Variants in PCDHGB1 observed in about 807,000 individuals in gnomAD.
PCDHGB1 encodes protocadherin gamma-B1.
A neutral mutation model predicts 56.6 loss-of-function variants in PCDHGB1; 34 were observed. That is an observed-to-expected ratio of 0.60 (90% CI 0.46 to 0.80). The LOEUF is 0.80. Ranked by LOEUF, PCDHGB1 falls within the 30% of genes least tolerant of loss-of-function variation. The probability of loss-of-function intolerance (pLI) is 0.00; values close to 1 mark genes in which losing one functional copy is unlikely to be tolerated. For missense variants in PCDHGB1, 1,278 were observed against 1,204.6 expected (o/e 1.06, Z -0.90); for synonymous variants, 561 against 505.9 (o/e 1.11, Z -1.46).
rs748591129 is a variant in PCDHGB1 at position 141,388,776 on chromosome 5, G to A, written c.2409+36107G>A. ...ATTTGACCTGAACTCTAACACCGGG[G>A]AAATTACTGTTTTAAATACATTAGA... On this transcript the variant is annotated intron_variant, in intron 1 of 3. Transcript: ENST00000523390. 8.7e-6 allele frequency: 14 copies of A among 1,613,806 alleles called. 1 individual carries two copies. In the South Asian group the frequency reaches 1.1e-4, roughly 13 times the overall value.
intron 1 of PCDHGB1, chr5:141,422,646 C>T (rs748692494): frequency 5.0e-6 from 8 of 1,611,836 alleles, no homozygotes; most frequent in Non-Finnish European, 6.8e-6. Flanking sequence ...CCTCCATCTT[C>T]TCAGTGACCG....
rs566032831 is a variant in PCDHGB1 at position 141,351,647 on chromosome 5, C to A, written c.1387C>A (p.Pro463Thr). Reference protein sequence around the residue: ...YVVHVSENNPPGASIAQVSAS... With the variant: ...YVVHVSENNPTGASIAQVSAS... Reference sequence around the variant, plus strand: ...GGTCCACGTGTCTGAGAACAACCCACCTGGCGCCTCCATTGCACAAGTAAG... The same window carrying A: ...GGTCCACGTGTCTGAGAACAACCCAACTGGCGCCTCCATTGCACAAGTAAG... The change falls in exon 1 of 4, where the codon CCT becomes ACT. Residue 463 changes from proline to threonine, a missense_variant. Coordinates refer to ENST00000523390, the MANE Select transcript of PCDHGB1 (RefSeq NM_018922.3). The A allele has an allele frequency of 1.2e-6, 2 of 1,614,058 alleles. No homozygotes were observed. The highest frequency in any genetic ancestry group is 1.7e-6 in the Non-Finnish European group (2 of 1,179,906).
chr5:141,432,722 T>G lies in PCDHGB1; in HGVS notation c.2410-62085T>G, dbSNP rs2097531915. 6.2e-7 allele frequency: 1 copy of G among 1,613,646 alleles called. No homozygotes were observed. Among genetic ancestry groups the G allele is most frequent in the African/African-American group, 1.3e-5 (1 of 74,900 alleles). ...CCAGGACCACGGCCAGCCCCCTCTC[T>G]CCGCCACTGTCACGCTCACCGTGGC... On this transcript the variant is annotated intron_variant, in intron 1 of 3. Coordinates refer to ENST00000523390, the MANE Select transcript of PCDHGB1 (RefSeq NM_018922.3). The surrounding 1 kb of genome is among the most constrained non-coding windows in gnomAD (Gnocchi z 6.0).
intron 1 of PCDHGB1, among the ~76,000 whole-genome samples, chr5:141,449,549 A>G (rs1431239786): frequency 6.8e-6 from 1 of 147,830 alleles, no homozygotes; most frequent in East Asian, 2.0e-4. Context: ...AGATCGCACC[A>G]CTGCACTCCA....
intron 1 of PCDHGB1, chr5:141,361,614 G>T (rs919763957): frequency 6.2e-7 from 1 of 1,613,946 alleles, no homozygotes. Flanking sequence ...CCATCGTAGC[G>T]AGCGACCTGA....
At chr5:141,357,032 C>G in intron 1 of PCDHGB1, 7 of 1,614,066 alleles carry the variant, frequency 4.3e-6, no homozygotes, top group Non-Finnish European at 5.9e-6. Context: ...CTACTCAAGT[C>G]CAGCGAGCCG....
In PCDHGB1 at chr5:141,431,184, T is replaced by G. The variant is rs754537015; in HGVS notation, c.2410-63623T>G. The G allele has an allele frequency of 5.6e-6, 9 of 1,614,090 alleles. No homozygotes were observed. Among genetic ancestry groups the G allele is most frequent in the Non-Finnish European group, 6.8e-6 (8 of 1,180,050 alleles). ...CGTGAAAGTGAATTAGAAATAAAAA[T>G]TAGTGAAAATGCAGCCACTGAGATG... On this transcript the variant is annotated intron_variant, in intron 1 of 3. Transcript: ENST00000523390. The surrounding 1 kb of genome is among the most constrained non-coding windows in gnomAD (Gnocchi z 4.8).
chr5:141,502,868 T>TTTTTTTTTC (rs1298099288), intron 2 of PCDHGB1, among the ~76,000 whole-genome samples: 1 of 147,026 alleles, frequency 6.8e-6, no homozygotes, highest in Non-Finnish European at 1.5e-5. Flanking sequence ...CTCTCTGTCT[T>TTTTTTTTTC]TTTTTTTTTT....
intron 1 of PCDHGB1, chr5:141,408,445 C>T (rs759314379): frequency 2.5e-6 from 4 of 1,613,846 alleles, no homozygotes; most frequent in Admixed American, 1.7e-5. Flanking sequence ...ACGCGGAGAG[C>T]GGGGACTTAC....
In PCDHGB1 at chr5:141,360,693, A is replaced by G. The variant is rs951041324; in HGVS notation, c.2409+8024A>G. 4 of 1,613,908 alleles carry G rather than the reference A, an allele frequency of 2.5e-6. No individual in the cohort carries two copies. In the African/African-American group the frequency reaches 5.3e-5, roughly 22 times the overall value. ...TTGATCTCGCTGAGAAACAGACTCC[A>G]GATGGTCGTAAATATCCTGAGTTGA... On this transcript the variant is annotated intron_variant, in intron 1 of 3. Transcript: ENST00000523390.
intron 1 of PCDHGB1, chr5:141,372,520 T>G (rs371229591): frequency 3.7e-6 from 6 of 1,613,950 alleles, no homozygotes; most frequent in Non-Finnish European, 5.1e-6. Flanking sequence ...GCGGTGATTC[T>G]GGCAATCTCC....
chr5:141,415,740 G>GTTTTTTTTTTTTTTTTTTTTT (rs57426385), intron 1 of PCDHGB1: 5 of 625,024 alleles, frequency 8.0e-6, no homozygotes, highest in Non-Finnish European at 8.5e-6. Flanking sequence ...GTTTATTAAG[G>GTTTTTTTTTTTTTTTTTTTTT]TTTTTTTTTT....
At position 141,461,300 on chromosome 5, in the gene PCDHGB1, A is replaced by G. The variant is rs889981233; in HGVS notation, c.2410-33507A>G. Among the ~76,000 whole-genome samples, 10 of 152,106 alleles carry G rather than the reference A, an allele frequency of 6.6e-5. No individual in the cohort carries two copies. In the East Asian group the frequency reaches 1.4e-3, roughly 21 times the overall value. On this transcript the variant is annotated intron_variant, in intron 1 of 3. Transcript: ENST00000523390. The stretch of plus-strand genomic sequence containing the variant: ...TTTCCCCACATCCACACCAACATCT[A>G]TTGTTTTTTGACTTTTTAATAATGG...
chr5:141,370,896 C>T, intron 1 of PCDHGB1: 1 of 1,614,040 alleles, frequency 6.2e-7, no homozygotes, highest in Non-Finnish European at 8.5e-7. Context: ...CAATTCGCTG[C>T]AGCAGTACTA....
At chr5:141,409,988 G>GC (rs1561724887) in intron 1 of PCDHGB1, 1 of 1,613,278 alleles carries the variant, frequency 6.2e-7, no homozygotes, top group Non-Finnish European at 8.5e-7. Flanking sequence ...AGCGGTGGAC[G>GC]CCGACTCGGG....
At position 141,419,393 on chromosome 5, in the gene PCDHGB1, G is replaced by A. The variant is rs1226844501; in HGVS notation, c.2409+66724G>A. On this transcript the variant is annotated intron_variant, in intron 1 of 3. Transcript: ENST00000523390. The stretch of plus-strand genomic sequence containing the variant: ...CTACGTGTCCGTGAGCGCGCAGAGC[G>A]GGGTGGTGTTCGCGCAGCGCGCCTT... 6.2e-7 allele frequency: 1 copy of A among 1,613,502 alleles called. No homozygotes were observed. Among genetic ancestry groups the A allele is most frequent in the Non-Finnish European group, 8.5e-7 (1 of 1,179,920 alleles).
At position 141,491,658 on chromosome 5, in the gene PCDHGB1, C is replaced by A; in HGVS notation, c.2410-3149C>A. 1 of 1,613,822 alleles carries A rather than the reference C, an allele frequency of 6.2e-7. No homozygotes were observed. The highest frequency in any genetic ancestry group is 8.5e-7 in the Non-Finnish European group (1 of 1,180,016). On this transcript the variant is annotated intron_variant, in intron 1 of 3. Coordinates refer to ENST00000523390, the MANE Select transcript of PCDHGB1 (RefSeq NM_018922.3). The surrounding 1 kb of genome is among the most constrained non-coding windows in gnomAD (Gnocchi z 6.9). ...CCACAGCTCTGGCGCTGGAGCCTGA[C>A]GCCATCCGGTCCCGCTCTAATACGC... is the stretch of plus-strand genomic sequence containing the variant.
At position 141,400,101 on chromosome 5, in the gene PCDHGB1, G is replaced by A. The variant is rs778391200; in HGVS notation, c.2409+47432G>A. The A allele has an allele frequency of 8.1e-6, 13 of 1,613,948 alleles. No homozygotes were observed. The East Asian group carries it at 2.9e-4, about 36-fold the overall frequency. ...TCTCCGCCACCGCCACGCTGCACTT[G>A]GTCTTTGCTGACAGCTTGCAGGAGG... On this transcript the variant is annotated intron_variant, in intron 1 of 3. Coordinates refer to ENST00000523390, the MANE Select transcript of PCDHGB1 (RefSeq NM_018922.3).
chr5:141,418,345 T>C, intron 1 of PCDHGB1: 1 of 1,614,000 alleles, frequency 6.2e-7, no homozygotes, highest in Non-Finnish European at 8.5e-7. Context: ...ATCCTGATAT[T>C]AGTATGAATT....
Sources: allele counts gnomAD v4.1 joint callset (sites outside exome capture counted in the v4.1 genomes callset), GRCh38; gene constraint gnomAD v4.1.1; non-coding constraint Gnocchi (gnomAD v3.1); transcripts MANE v1.5; gene names NCBI Gene and HGNC (gene_info 2026-07-23, HGNC 2026-07-21).